The following WARS1 variants were observed in gnomAD, a reference collection of about 807,000 sequenced individuals.
The protein encoded by WARS1 is tryptophanyl-tRNA synthetase 1.
WARS1 carries 17 observed loss-of-function variants against 47.8 expected under a neutral mutation model. The observed-to-expected ratio is 0.36, with a 90% CI of 0.24 to 0.53. WARS1 has a LOEUF of 0.53. Among genes scored for constraint, WARS1 ranks in the 20% least tolerant of loss-of-function variants. WARS1 has a pLI of 0.91. For synonymous variants in WARS1, 208 were observed against 228.1 expected, an observed-to-expected ratio of 0.91 and a Z score of 0.79; for missense variants, 434 against 608.0, an observed-to-expected ratio of 0.71 and a Z score of 3.01.
chr14:100,342,215 T>C (rs970356340), intron 9 of WARS1, 183 bp downstream of exon 9: 7 of 744,494 alleles, frequency 9.4e-6, no homozygotes, highest in South Asian at 1.5e-5. Context: ...ACCTGATTCA[T>C]GTGGGAAGGA....
chr14:100,362,011 T>A, intron 2 of WARS1, 90 bp from the exon 3 acceptor site: 7 of 1,345,086 alleles, frequency 5.2e-6, no homozygotes, highest in Non-Finnish European at 7.3e-6. Context: ...CTGTGTTAAA[T>A]GCTTTTACAC....
intron 9 of WARS1, among the ~76,000 whole-genome samples, chr14:100,339,134 C>T (rs888267946): frequency 1.3e-5 from 2 of 151,702 alleles, no homozygotes; most frequent in African/African-American, 4.9e-5. Context: ...TACACACACA[C>T]ACACACACAC....
chr14:100,372,473 G>C (rs759267755), intron 1 of WARS1, among the ~76,000 whole-genome samples: 19 of 152,204 alleles, frequency 1.2e-4, no homozygotes, highest in Non-Finnish European at 2.6e-4. Context: ...AGGGAGGTTT[G>C]GTGAGATAAC....
intron 1 of WARS1, among the ~76,000 whole-genome samples, chr14:100,372,123 C>T (rs999141603): frequency 6.6e-6 from 1 of 152,076 alleles, no homozygotes; most frequent in African/African-American, 2.4e-5. Context: ...CCTTTACCTA[C>T]CCAAATCCTA....
intron 10 of WARS1, among the ~76,000 whole-genome samples, chr14:100,335,415 G>T (rs998934067): frequency 2.0e-5 from 3 of 150,260 alleles, no homozygotes; most frequent in Non-Finnish European, 4.4e-5. Context: ...GTCTCACTCT[G>T]TTGCCAGGTT....
rs757954125 is a variant in WARS1, at chr14:100,361,853, C to T, written c.168G>A (p.Glu56=). ...CTGGAGGACAGTCAGCCTTGTAATC[C>T]TCCCCCGCGGCAGCTTTGTAGCTCA... ...LKMSYKAAAG[E]DYKADCPPGN... Residue 56 remains glutamate, a synonymous_variant, in exon 3 of 11, where the codon GAG becomes GAA. Coordinates refer to ENST00000392882, the MANE Select transcript of WARS1 (RefSeq NM_004184.4). The T allele has an allele frequency of 1.2e-6, 2 of 1,614,164 alleles. No individual in the cohort carries two copies. The highest frequency in any genetic ancestry group is 2.2e-5 in the East Asian group (1 of 44,880).
rs1372459078 is a variant in WARS1, at chr14:100,373,536, A to C, written c.-74+1747T>G. Among the ~76,000 whole-genome samples the C allele has an allele frequency of 6.6e-6, 1 of 152,206 alleles. No individual in the cohort carries two copies. Among genetic ancestry groups the C allele is most frequent in the Non-Finnish European group, 1.5e-5 (1 of 68,030 alleles). On this transcript the variant is annotated intron_variant, in intron 1 of 10. Coordinates refer to ENST00000392882, the MANE Select transcript of WARS1 (RefSeq NM_004184.4). The surrounding 1 kb of genome is among the most constrained non-coding windows in gnomAD (Gnocchi z 4.4). ...GGTTTTGAAGTCAATCAAGTATAAAAATTATCCTTAAAAATTCCAGGGGAA... is the reference window on the plus strand; with the variant it reads ...GGTTTTGAAGTCAATCAAGTATAAACATTATCCTTAAAAATTCCAGGGGAA...
chr14:100,336,575 G>GA (rs1288100036), intron 10 of WARS1, among the ~76,000 whole-genome samples: 4 of 152,064 alleles, frequency 2.6e-5, no homozygotes, highest in East Asian at 3.9e-4. Context: ...TATTTCCTTG[G>GA]AAAAAATCTA....
At chr14:100,343,668 C>T (rs912255543) in intron 7 of WARS1, among the ~76,000 whole-genome samples, 3 of 151,368 alleles carry the variant, frequency 2.0e-5, no homozygotes, top group African/African-American at 7.3e-5. Flanking sequence ...GAAGGAGTCT[C>T]GCTTTGTTGC....
chr14:100,368,495 A>G (rs1157166120), intron 2 of WARS1: 6 of 455,942 alleles, frequency 1.3e-5, no homozygotes, highest in Non-Finnish European at 2.6e-5. Flanking sequence ...CAATATGATA[A>G]GCAGAATATT....
chr14:100,360,776 C>T lies in WARS1; in HGVS notation c.314-114G>A, dbSNP rs541959783. On this transcript the variant is annotated intron_variant, in intron 3 of 10. Transcript: ENST00000392882. The stretch of plus-strand genomic sequence containing the variant: ...ATGCACAATCTTAATGAACACAAAC[C>T]TCTTTAGGCCTTCTGCTAAAGGTCC... 1.0e-3 allele frequency: 663 copies of T among 664,476 alleles called. 10 individuals are homozygous for T. In the South Asian group the frequency reaches 0.015, roughly 15 times the overall value. The allele number at this position is 664,476 out of a possible 1,614,324, so 41.2% of individuals were successfully genotyped here.
chr14:100,372,772 G>C (rs889932869), intron 1 of WARS1, among the ~76,000 whole-genome samples: 1 of 152,142 alleles, frequency 6.6e-6, no homozygotes, highest in Non-Finnish European at 1.5e-5. Context: ...CAGACAAGAG[G>C]CTGATGGCTC....
In WARS1 at chr14:100,347,490, G is replaced by A. The variant is rs569361016; in HGVS notation, c.726-644C>T. Among the ~76,000 whole-genome samples the A allele has an allele frequency of 2.6e-5, 4 of 152,346 alleles. No homozygotes were observed. In the South Asian group the frequency reaches 6.2e-4, roughly 24 times the overall value. Reference sequence around the variant, plus strand: ...GGGTGTGGGTACCAGGCCTGAATGTGTGGCATCCATTCCACTACCAGAAGG... The same window carrying A: ...GGGTGTGGGTACCAGGCCTGAATGTATGGCATCCATTCCACTACCAGAAGG... On this transcript the variant is annotated intron_variant, in intron 6 of 10. Transcript: ENST00000392882.
intron 2 of WARS1, among the ~76,000 whole-genome samples, chr14:100,363,211 A>G (rs937913402): frequency 2.0e-4 from 30 of 152,106 alleles, no homozygotes; most frequent in African/African-American, 7.2e-4. Context: ...TTGACATTTC[A>G]TACTCTATCT....
Position 100,334,464 on chromosome 14 carries a change from T to C in WARS1, c.*411A>G, listed in dbSNP as rs1000952824. On this transcript the variant is annotated 3_prime_UTR_variant, in exon 11 of 11. Coordinates refer to ENST00000392882, the MANE Select transcript of WARS1 (RefSeq NM_004184.4). ...CACTTTCTAGGTTACAATAATGACA[T>C]TTCAATTCCATATACGCATACATAG... 1.3e-5 allele frequency: 2 copies of C among 153,632 alleles called. No individual in the cohort carries two copies. Among genetic ancestry groups the C allele is most frequent in the African/African-American group, 4.8e-5 (2 of 41,482 alleles). 9.5% of individuals were successfully genotyped at this position (153,632 alleles called of 1,614,324 possible).
At chr14:100,359,863 G>A (rs10438233) in intron 4 of WARS1, among the ~76,000 whole-genome samples, 49,955 of 152,058 alleles carry the variant, frequency 0.33, 8,962 homozygotes, top group East Asian at 0.54. Context: ...TTCTTTGCAG[G>A]TAGAATTTGA....
intron 1 of WARS1, among the ~76,000 whole-genome samples, 152 bp from the exon 2 acceptor site, chr14:100,369,410 C>T (rs1043969779): frequency 1.3e-5 from 2 of 151,806 alleles, no homozygotes; most frequent in African/African-American, 4.8e-5. Flanking sequence ...AAAAAGAGAA[C>T]CAGAAATTTG....
chr14:100,366,843 G>A, intron 2 of WARS1: 2 of 1,580,670 alleles, frequency 1.3e-6, no homozygotes, highest in Non-Finnish European at 1.7e-6. Context: ...GGATTCAAAT[G>A]GGGATTTGCT....
In WARS1 at chr14:100,359,239, G is replaced by A. The variant is rs141953465; in HGVS notation, c.422+1315C>T. ...TACAAATGGTCAGAGCAGCATTGTT[G>A]ATAACCAAAAAGTGAAAATAACTCA... is the stretch of plus-strand genomic sequence containing the variant. On this transcript the variant is annotated intron_variant, in intron 4 of 10. Coordinates refer to ENST00000392882, the MANE Select transcript of WARS1 (RefSeq NM_004184.4). Among the ~76,000 whole-genome samples the A allele has an allele frequency of 8.4e-3, 1,274 of 152,250 alleles. 10 individuals carry two copies. The highest frequency in any genetic ancestry group is 0.015 in the South Asian group (74 of 4,824).
Sources: allele counts gnomAD v4.1 joint callset (sites outside exome capture counted in the v4.1 genomes callset), GRCh38; gene constraint gnomAD v4.1.1; non-coding constraint Gnocchi (gnomAD v3.1); transcripts MANE v1.5; gene names NCBI Gene and HGNC (gene_info 2026-07-23, HGNC 2026-07-21).